SPATA19: variants seen among roughly 807,000 people sequenced by gnomAD.
The protein encoded by SPATA19 is spermatogenesis associated 19.
In SPATA19, 19 loss-of-function variants were observed where a neutral mutation model predicts 25.0. The observed-to-expected ratio is 0.76, with a 90% confidence interval of 0.53 to 1.11. SPATA19 has a LOEUF of 1.11. Among genes scored for constraint, SPATA19 ranks in the 50% most tolerant of loss-of-function variants. The probability of loss-of-function intolerance (pLI) is 0.00; values close to 1 mark genes in which losing one functional copy is unlikely to be tolerated. For synonymous variants in SPATA19, 64 were observed against 69.3 expected, an observed-to-expected ratio of 0.92 and a Z score of 0.38; for missense variants, 222 against 211.4, an observed-to-expected ratio of 1.05 and a Z score of -0.31.
In SPATA19 at chr11:133,844,579, C is replaced by T. The variant is rs147404348; in HGVS notation, c.197G>A (p.Gly66Asp). Residue 66 changes from glycine (G) to aspartate (D), a missense_variant, in exon 3 of 7, where the codon GGT becomes GAT. Gly to Asp is a moderately conservative substitution (Grantham distance 94). Coordinates refer to ENST00000299140, the MANE Select transcript of SPATA19 (RefSeq NM_174927.3). ...EKLSINHPSQ[G>D]VREKMSTDSP... is the part of the protein sequence containing the mutation. ...GTCAGTGGACATCTTCTCCCTTACA[C>T]CCTGGGAAGGGTGGTTGATGGACAG... 4.7e-4 allele frequency: 758 copies of T among 1,614,010 alleles called. 11 individuals are homozygous for T. Among genetic ancestry groups the T allele is most frequent in the Non-Finnish European group, 8.6e-5 (101 of 1,179,946 alleles).
intron 5 of SPATA19, 95 bp downstream of exon 5, chr11:133,842,390 T>C (rs563642855): frequency 2.8e-5 from 26 of 937,690 alleles, no homozygotes; most frequent in Non-Finnish European, 4.0e-5. Context: ...ATACCAGAGA[T>C]AGCATTGCTG....
rs771504527 is a variant in SPATA19 at position 133,844,544 on chromosome 11, T to G, written c.232A>C (p.Thr78Pro). ...REKMSTDSPP[T>P]HGQDIHVTRD... ...GTCACGTGGATGTCCTGGCCATGGG[T>G]GGGAGGGGAGTCAGTGGACATCTTC... The change falls in exon 3 of 7, where the codon ACC becomes CCC. Residue 78 changes from threonine (T) to proline (P), a missense_variant. By Grantham distance (38) the Thr-to-Pro change is conservative. Transcript: ENST00000299140. The G allele has an allele frequency of 1.2e-5, 20 of 1,614,008 alleles. No homozygotes were observed. The highest frequency in any genetic ancestry group is 1.7e-5 in the Admixed American group (1 of 60,008).
intron 6 of SPATA19, among the ~76,000 whole-genome samples, 153 bp downstream of exon 6, chr11:133,841,877 A>G (rs1442105407): frequency 6.6e-6 from 1 of 152,216 alleles, no homozygotes; most frequent in Non-Finnish European, 1.5e-5. Context: ...TAAGGCAGCC[A>G]GCCCTCCTCT....
chr11:133,837,765 C>A (rs934679303), downstream of SPATA19, among the ~76,000 whole-genome samples: 1 of 152,098 alleles, frequency 6.6e-6, no homozygotes, highest in East Asian at 1.9e-4. Context: ...GAACACTTCC[C>A]CTCCCACGCA....
intron 2 of SPATA19, 21 bp downstream of exon 2, chr11:133,845,113 T>G (rs1368318351): frequency 6.2e-7 from 1 of 1,609,358 alleles, no homozygotes; most frequent in South Asian, 1.1e-5. Context: ...ATATCCTGAG[T>G]CATAAAGAAA....
In SPATA19 at chr11:133,842,542, A is replaced by T; in HGVS notation, c.380T>A (p.Val127Glu). The change falls in exon 5 of 7, where the codon GTG (valine) becomes GAG (glutamate). Residue 127 changes from valine (V) to glutamate (E), a missense_variant. Val to Glu is a moderately radical substitution (Grantham distance 121, BLOSUM62 -2). Transcript: ENST00000299140. ...IRWSHTRIFQ[V>E]PSEMTEDIMR... ...GATGTCCTCTGTCATCTCACTTGGC[A>T]CTTGGAAGATACGAGTGTGGCTGCA... 6.2e-7 allele frequency: 1 copy of T among 1,613,832 alleles called. No individual in the cohort carries two copies. The highest frequency in any genetic ancestry group is 1.1e-5 in the South Asian group (1 of 91,080).
chr11:133,842,204 G>T (rs961796031), intron 5 of SPATA19, 99 bp from the exon 6 acceptor site: 1 of 1,248,546 alleles, frequency 8.0e-7, no homozygotes, highest in Non-Finnish European at 1.2e-6. Context: ...AGGGCAGGCC[G>T]TGCCTAGGCC....
Position 133,842,517 on chromosome 11 carries a change from G to C in SPATA19, c.405C>G (p.Ile135Met). 3 of 1,614,072 alleles carry C rather than the reference G, an allele frequency of 1.9e-6. No homozygotes were observed. The highest frequency in any genetic ancestry group is 2.5e-6 in the Non-Finnish European group (3 of 1,179,974). ...FQVPSEMTEDIMRDRIEQVRR... is the reference protein window; with the variant it reads ...FQVPSEMTEDMMRDRIEQVRR... The stretch of plus-strand genomic sequence containing the variant: ...TCACCTGCTCTATTCGATCTCGCAT[G>C]ATGTCCTCTGTCATCTCACTTGGCA... The change falls in exon 5 of 7, where the codon ATC becomes ATG. Residue 135 changes from isoleucine (I) to methionine (M), a missense_variant. Physicochemically the swap from Ile to Met is conservative, Grantham distance 10 (BLOSUM62 1). Coordinates refer to ENST00000299140, the MANE Select transcript of SPATA19 (RefSeq NM_174927.3).
At chr11:133,839,693 AT>A (rs1279734088), downstream of SPATA19, among the ~76,000 whole-genome samples, 1 of 152,180 alleles carries the variant, frequency 6.6e-6, no homozygotes, top group Non-Finnish European at 1.5e-5. Context: ...TAATTAAAAA[AT>A]TTAAAAAAAA....
Position 133,844,230 on chromosome 11 carries a change from A to G in SPATA19, c.359+16T>C. Reference sequence around the variant, plus strand: ...TCCCTCCCCTTCCTTCGCCCAGGGCAAGTGGGACACCTTACCTCCATCTTA... The same window carrying G: ...TCCCTCCCCTTCCTTCGCCCAGGGCGAGTGGGACACCTTACCTCCATCTTA... On this transcript the variant is annotated intron_variant, in intron 4 of 6. Transcript: ENST00000299140. The G allele has an allele frequency of 1.2e-6, 2 of 1,611,330 alleles. No homozygotes were observed. The highest frequency in any genetic ancestry group is 1.7e-6 in the Non-Finnish European group (2 of 1,177,448).
chr11:133,841,453 C>G (rs1261264124), intron 6 of SPATA19, among the ~76,000 whole-genome samples: 1 of 152,216 alleles, frequency 6.6e-6, no homozygotes, highest in East Asian at 1.9e-4. Flanking sequence ...CAGCTGTTCA[C>G]CACAGGCTCA....
intron 2 of SPATA19, 109 bp from the exon 3 acceptor site, chr11:133,844,749 A>G: frequency 7.9e-7 from 1 of 1,271,076 alleles, no homozygotes; most frequent in Non-Finnish European, 1.1e-6. Context: ...CACACACCAC[A>G]TATTCACACA....
downstream of SPATA19, among the ~76,000 whole-genome samples, chr11:133,839,043 G>C (rs1176402579): frequency 6.6e-6 from 1 of 152,218 alleles, no homozygotes; most frequent in African/African-American, 2.4e-5. Flanking sequence ...AGGTGCTGGA[G>C]AGGATGTGGA....
intron 2 of SPATA19, 121 bp from the exon 3 acceptor site, chr11:133,844,761 A>C (rs1938385607): frequency 3.4e-6 from 4 of 1,176,568 alleles, no homozygotes; most frequent in Non-Finnish European, 4.8e-6. Context: ...ATTCACACAC[A>C]TACACTCCTT....
downstream of SPATA19, among the ~76,000 whole-genome samples, chr11:133,837,369 C>T (rs1938230882): frequency 6.6e-6 from 1 of 152,204 alleles, no homozygotes; most frequent in African/African-American, 2.4e-5. Context: ...TAAACTGTAA[C>T]TGACAAATTG....
intron 2 of SPATA19, among the ~76,000 whole-genome samples, 163 bp from the exon 3 acceptor site, chr11:133,844,803 T>G (rs1285250661): frequency 3.9e-5 from 6 of 152,168 alleles, no homozygotes. Context: ...GCTACTTCCC[T>G]GTAAAGTCCT....
chr11:133,839,021 T>C (rs1016060372), downstream of SPATA19, among the ~76,000 whole-genome samples: 7 of 152,162 alleles, frequency 4.6e-5, no homozygotes, highest in Admixed American at 2.6e-4. Context: ...CATTAAAAAG[T>C]CAGGAAACAA....
downstream of SPATA19, among the ~76,000 whole-genome samples, chr11:133,838,230 G>A (rs894670260): frequency 6.6e-6 from 1 of 152,172 alleles, no homozygotes; most frequent in African/African-American, 2.4e-5. Context: ...GGGGAAAGTG[G>A]ACAACACGCA....
intron 5 of SPATA19, 54 bp downstream of exon 5, chr11:133,842,431 C>A: frequency 6.9e-7 from 1 of 1,439,842 alleles, no homozygotes; most frequent in Non-Finnish European, 9.8e-7. Context: ...CAGTCACCCC[C>A]ACCCTACCTG....
Sources: allele counts gnomAD v4.1 joint callset (sites outside exome capture counted in the v4.1 genomes callset), GRCh38; gene constraint gnomAD v4.1.1; transcripts MANE v1.5; gene names NCBI Gene and HGNC (gene_info 2026-07-23, HGNC 2026-07-21).